The following DNAAF11 variants were observed in gnomAD, a reference collection of about 807,000 sequenced individuals.
DNAAF11 encodes leucine rich repeat containing 6.
Under a neutral mutation model 60.8 loss-of-function variants are expected in DNAAF11, and 45 were observed. That is an observed-to-expected ratio of 0.74 (90% confidence interval 0.58 to 0.95). The LOEUF (loss-of-function observed/expected upper bound fraction) is 0.95. Ranked by LOEUF, DNAAF11 falls within the 40% of genes least tolerant of loss-of-function variation. The pLI, the probability that DNAAF11 is intolerant of heterozygous loss-of-function variation, is 0.00. For missense variants in DNAAF11, 546 were observed against 546.2 expected (o/e 1.00, Z 0.00); for synonymous variants, 191 against 183.5 (o/e 1.04, Z -0.33).
chr8:132,639,257 G>A (rs1328314725), intron 3 of DNAAF11, among the ~76,000 whole-genome samples: 4 of 152,110 alleles, frequency 2.6e-5, no homozygotes, highest in Non-Finnish European at 5.9e-5. Flanking sequence ...CAGCCTTTGG[G>A]GGCTTGGTTC....
chr8:132,675,303 C>T (rs1435838000), intron 1 of DNAAF11, 181 bp downstream of exon 1: 2 of 581,564 alleles, frequency 3.4e-6, no homozygotes, highest in Non-Finnish European at 3.0e-6. Flanking sequence ...GCTGTCCGGC[C>T]AGTCTGCAGA....
At chr8:132,650,693 G>T (rs985248979) in intron 3 of DNAAF11, among the ~76,000 whole-genome samples, 1 of 152,116 alleles carries the variant, frequency 6.6e-6, no homozygotes, top group African/African-American at 2.4e-5. Context: ...AATGACAGAT[G>T]AATTTTATAA....
At chr8:132,578,284 T>C (rs952012834) in intron 11 of DNAAF11, 9 of 537,110 alleles carry the variant, frequency 1.7e-5, no homozygotes, top group Middle Eastern at 3.3e-4. Flanking sequence ...AGGAATGAAC[T>C]AAATCATAAT....
At chr8:132,581,661 C>CAAAAAAAA (rs59380140) in intron 11 of DNAAF11, among the ~76,000 whole-genome samples, 6 of 82,996 alleles carry the variant, frequency 7.2e-5, no homozygotes, top group Non-Finnish European at 9.4e-5. Flanking sequence ...GACTCTGCCT[C>CAAAAAAAA]AAAAAAAAAA....
At position 132,619,127 on chromosome 8, in the gene DNAAF11, G is replaced by T. The variant is rs544021334; in HGVS notation, c.914+3484C>A. On this transcript the variant is annotated intron_variant, in intron 7 of 11. Transcript: ENST00000620350. The stretch of plus-strand genomic sequence containing the variant: ...GGAATACTATGCAGCCATAAAAAAT[G>T]ATGAGTTCATGTCCTTTGTAGGGAC... Among the ~76,000 whole-genome samples, 629 of 152,278 alleles carry T rather than the reference G, an allele frequency of 4.1e-3. 9 individuals are homozygous for T. The highest frequency in any genetic ancestry group is 0.014 in the African/African-American group (593 of 41,546).
At chr8:132,589,480 A>T (rs1816246741) in intron 10 of DNAAF11, among the ~76,000 whole-genome samples, 1 of 152,186 alleles carries the variant, frequency 6.6e-6, no homozygotes, top group African/African-American at 2.4e-5. Context: ...AAGGTGTGTG[A>T]TGTTAACAAA....
intron 1 of DNAAF11, among the ~76,000 whole-genome samples, chr8:132,672,803 GA>G (rs1279942865): frequency 6.6e-6 from 1 of 152,100 alleles, no homozygotes; most frequent in Non-Finnish European, 1.5e-5. Context: ...AAAGAGCCGC[GA>G]AAGCCGGGAA....
chr8:132,648,643 G>C (rs867189110), intron 3 of DNAAF11, among the ~76,000 whole-genome samples: 1 of 152,094 alleles, frequency 6.6e-6, no homozygotes, highest in South Asian at 2.1e-4. Context: ...CCTTAAGCTG[G>C]TAAGCAACTT....
intron 5 of DNAAF11, among the ~76,000 whole-genome samples, chr8:132,628,224 C>T (rs1290857264): frequency 6.6e-6 from 1 of 152,050 alleles, no homozygotes; most frequent in Non-Finnish European, 1.5e-5. Flanking sequence ...CCAGCCTGAC[C>T]AACATGGTGA....
At chr8:132,702,893 A>C in the DNAAF11 span, among the ~76,000 whole-genome samples, 3 of 152,220 alleles carry the variant, frequency 2.0e-5, no homozygotes, top group African/African-American at 7.2e-5. Context: ...AGAGGAAACA[A>C]GGAAGATTAG....
intron 1 of DNAAF11, among the ~76,000 whole-genome samples, chr8:132,674,144 G>GGA (rs1825498927): frequency 7.8e-6 from 1 of 128,338 alleles, no homozygotes; most frequent in African/African-American, 2.9e-5. Flanking sequence ...AGAAGGAGGA[G>GGA]GAAGAGGAGG....
chr8:132,674,175 G>GAGGAGA (rs1375481842), intron 1 of DNAAF11, among the ~76,000 whole-genome samples: 13 of 141,852 alleles, frequency 9.2e-5, no homozygotes, highest in South Asian at 2.3e-4. Context: ...GAAGGAGGAG[G>GAGGAGA]AGGAGAAGGA....
At chr8:132,636,163 A>AT (rs1305184227) in intron 4 of DNAAF11, among the ~76,000 whole-genome samples, 2 of 152,108 alleles carry the variant, frequency 1.3e-5, no homozygotes, top group African/African-American at 4.8e-5. Context: ...TGAAATGGTA[A>AT]TTAAGACTCT....
intron 11 of DNAAF11, chr8:132,578,375 T>A: frequency 3.9e-6 from 5 of 1,281,358 alleles, no homozygotes; most frequent in East Asian, 2.6e-5. Flanking sequence ...ATCACAATAA[T>A]CTCCAAAACA....
rs534096169 is a variant in DNAAF11, at chr8:132,661,329, G to C, written c.178+131C>G. ...GAAACGCCCCCCACACAACCACTGA[G>C]AGATGGCTGTGTCTGTTTTCCCATG... On this transcript the variant is annotated intron_variant, in intron 2 of 11. Coordinates refer to ENST00000620350, the MANE Select transcript of DNAAF11 (RefSeq NM_012472.6). The C allele has an allele frequency of 5.7e-5, 41 of 722,958 alleles. No individual in the cohort carries two copies. The South Asian group carries it at 7.8e-4, about 14-fold the overall frequency. The allele number at this position is 722,958 out of a possible 1,614,324, so 44.8% of individuals were successfully genotyped here.
At chr8:132,692,206 G>A in the DNAAF11 span, among the ~76,000 whole-genome samples, 1 of 151,672 alleles carries the variant, frequency 6.6e-6, no homozygotes, top group African/African-American at 2.4e-5. Flanking sequence ...TGGGGTGGGG[G>A]GTAGAGAGCC....
intron 1 of DNAAF11, among the ~76,000 whole-genome samples, chr8:132,665,814 C>T (rs116791944): frequency 2.2e-3 from 329 of 152,336 alleles, no homozygotes; most frequent in African/African-American, 7.6e-3. Context: ...TACTGCAGCA[C>T]TATTCACAAT....
At chr8:132,676,120 A>G (rs900220306), upstream of DNAAF11, among the ~76,000 whole-genome samples, 10 of 152,178 alleles carry the variant, frequency 6.6e-5, no homozygotes, top group African/African-American at 2.4e-4. Context: ...TCACTCTCCA[A>G]CACTCGTTTC....
chr8:132,661,357 G>GTT, intron 2 of DNAAF11, 103 bp downstream of exon 2: 5 of 933,222 alleles, frequency 5.4e-6, no homozygotes, highest in Non-Finnish European at 7.8e-6. Flanking sequence ...TTCCCATGGA[G>GTT]TTTTTTTTTC....
Sources: gnomAD v4.1 joint callset for allele counts (sites outside exome capture counted in the v4.1 genomes callset) on GRCh38, gnomAD v4.1.1 for gene constraint, MANE v1.5 for transcripts, NCBI Gene and HGNC (gene_info 2026-07-23, HGNC 2026-07-21) for gene names.